Variants in PDGFD observed in about 807,000 individuals in gnomAD.
PDGFD encodes the protein platelet derived growth factor D, also known as platelet-derived growth factor D.
In PDGFD, 30 loss-of-function variants were observed where a neutral mutation model predicts 44.7. The observed-to-expected ratio is 0.67, with a 90% CI of 0.50 to 0.91. The LOEUF is 0.91. Among genes scored for constraint, PDGFD ranks in the 40% least tolerant of loss-of-function variants. The probability of loss-of-function intolerance (pLI) is 0.00; values close to 1 mark genes in which losing one functional copy is unlikely to be tolerated. For missense variants in PDGFD, 445 were observed against 457.8 expected (o/e 0.97, Z 0.25); for synonymous variants, 173 against 168.4 (o/e 1.03, Z -0.21).
intron 3 of PDGFD, among the ~76,000 whole-genome samples, chr11:103,950,059 G>A (rs563320206): frequency 1.5e-4 from 23 of 152,132 alleles, no homozygotes; most frequent in Non-Finnish European, 2.6e-4. Context: ...TTTGCTACAT[G>A]AGAATGGACC....
At chr11:104,025,314 T>G (rs2134385225) in intron 1 of PDGFD, among the ~76,000 whole-genome samples, 1 of 152,320 alleles carries the variant, frequency 6.6e-6, no homozygotes, top group Non-Finnish European at 1.5e-5. Flanking sequence ...CATCAAGATT[T>G]TGACCAGATG....
chr11:104,162,988 G>C (rs1205409005), intron 1 of PDGFD, among the ~76,000 whole-genome samples: 1 of 152,158 alleles, frequency 6.6e-6, no homozygotes, highest in Middle Eastern at 3.2e-3. Flanking sequence ...AATAAACTCA[G>C]CTTAGGGTCT....
At chr11:104,128,663 G>T (rs1038637581) in intron 1 of PDGFD, among the ~76,000 whole-genome samples, 1 of 152,146 alleles carries the variant, frequency 6.6e-6, no homozygotes, top group African/African-American at 2.4e-5. Context: ...GAAAACTCTG[G>T]TTTGGAATTC....
At chr11:103,961,393 T>A (rs975488861) in intron 3 of PDGFD, among the ~76,000 whole-genome samples, 7 of 152,146 alleles carry the variant, frequency 4.6e-5, no homozygotes, top group East Asian at 1.9e-4. Flanking sequence ...AAAGAATGAT[T>A]TAAGTACATT....
intron 1 of PDGFD, among the ~76,000 whole-genome samples, chr11:104,144,502 G>T (rs866683649): frequency 1.9e-5 from 1 of 53,120 alleles, no homozygotes; most frequent in Non-Finnish European, 3.0e-5. Context: ...GCAAAACTCC[G>T]TCACCAAAAA....
chr11:104,040,595 T>A (rs546345426), intron 1 of PDGFD, among the ~76,000 whole-genome samples: 1 of 152,176 alleles, frequency 6.6e-6, no homozygotes, highest in African/African-American at 2.4e-5. Context: ...ACTTTGCATA[T>A]TACTGCCCTT....
chr11:104,061,888 T>C (rs1860722813), intron 1 of PDGFD, among the ~76,000 whole-genome samples: 1 of 152,122 alleles, frequency 6.6e-6, no homozygotes, highest in Admixed American at 6.5e-5. Context: ...GATTACAGGC[T>C]TGAGCCACCA....
intron 3 of PDGFD, among the ~76,000 whole-genome samples, chr11:103,952,329 T>G (rs1205031040): frequency 6.6e-6 from 1 of 152,220 alleles, no homozygotes; most frequent in Non-Finnish European, 1.5e-5. Flanking sequence ...CTTACATAAG[T>G]GCTTTTCAAG....
At chr11:104,027,811 G>A (rs1293467854) in intron 1 of PDGFD, among the ~76,000 whole-genome samples, 1 of 152,058 alleles carries the variant, frequency 6.6e-6, no homozygotes, top group Non-Finnish European at 1.5e-5. Context: ...ACTCTTTTTG[G>A]TCACAAGGGC....
intron 1 of PDGFD, chr11:104,037,221 G>A (rs1471290917): frequency 6.2e-7 from 1 of 1,613,722 alleles, no homozygotes; most frequent in Non-Finnish European, 8.5e-7. Flanking sequence ...CAGGAGAGAA[G>A]GTGGCCGGCC....
chr11:104,013,921 G>T (rs552726547), intron 1 of PDGFD, among the ~76,000 whole-genome samples: 137 of 152,072 alleles, frequency 9.0e-4, no homozygotes, highest in Middle Eastern at 3.4e-3. Context: ...ATACATTTGA[G>T]TAAGTGGTCT....
At chr11:103,916,129 A>C (rs1213069182) in intron 6 of PDGFD, among the ~76,000 whole-genome samples, 11 of 152,118 alleles carry the variant, frequency 7.2e-5, no homozygotes, top group Admixed American at 7.2e-4. Context: ...CACAGCAAAA[A>C]AAAACTGTCA....
intron 1 of PDGFD, among the ~76,000 whole-genome samples, chr11:104,063,667 A>C (rs1223379242): frequency 6.6e-6 from 1 of 152,150 alleles, no homozygotes; most frequent in Non-Finnish European, 1.5e-5. Context: ...TCATGACAGA[A>C]GGTAAAGGGG....
At chr11:104,156,695 A>C (rs2119923036) in intron 1 of PDGFD, among the ~76,000 whole-genome samples, 1 of 152,338 alleles carries the variant, frequency 6.6e-6, no homozygotes, top group Non-Finnish European at 1.5e-5. Flanking sequence ...TCAGCATACC[A>C]GAGGGAAGAT....
rs1859601455 is a variant in PDGFD at position 104,000,310 on chromosome 11, T to TA, written c.125-56_125-55insT. On this transcript the variant is annotated intron_variant, in intron 1 of 6. Coordinates refer to ENST00000393158, the MANE Select transcript of PDGFD (RefSeq NM_025208.5). ...GTATGTTGCTCCAATTACAGGAAAG[T>TA]CAAAAAAAGAGAACAGTTTACAACA... 1.5e-5 allele frequency: 22 copies of TA among 1,446,736 alleles called. No homozygotes were observed. In the East Asian group the frequency reaches 1.8e-4, roughly 12 times the overall value. 89.6% of individuals were successfully genotyped at this position (1,446,736 alleles called of 1,614,324 possible). A position where few individuals can be genotyped will look rare whatever the true frequency, so the allele number is the denominator to read the frequency against.
rs186274974 is a variant in PDGFD at position 104,088,908 on chromosome 11, C to T, written c.124+74896G>A. Among the ~76,000 whole-genome samples, 163 of 121,846 alleles carry T rather than the reference C, an allele frequency of 1.3e-3. 2 individuals are homozygous for T. The highest frequency in any genetic ancestry group is 6.3e-4 in the Non-Finnish European group (37 of 59,000). The allele number at this position is 121,846 out of a possible 152,430, so 79.9% of individuals were successfully genotyped here. A position where few individuals can be genotyped will look rare whatever the true frequency, so the allele number is the denominator to read the frequency against. On this transcript the variant is annotated intron_variant, in intron 1 of 6. Coordinates refer to ENST00000393158, the MANE Select transcript of PDGFD (RefSeq NM_025208.5). ...ATTAGCTCCTCCACATAAGCATGAACAACAAAGTGGGATGGGGGAAAAAAA... is the reference window on the plus strand; with the variant it reads ...ATTAGCTCCTCCACATAAGCATGAATAACAAAGTGGGATGGGGGAAAAAAA...
rs1435068308 is a variant in PDGFD, at chr11:104,028,083, T to TG, written c.125-27829dup. Among the ~76,000 whole-genome samples the TG allele has an allele frequency of 2.0e-5, 3 of 150,722 alleles. No individual in the cohort carries two copies. In the Admixed American group the frequency reaches 2.0e-4, roughly 10 times the overall value. On this transcript the variant is annotated intron_variant, in intron 1 of 6. Coordinates refer to ENST00000393158, the MANE Select transcript of PDGFD (RefSeq NM_025208.5). ...CAGGCGCCTGTAGTCCCAGCTACTCTGGAGACTGAGGCAGGAGAATGGCGT... is the reference window on the plus strand; with the variant it reads ...CAGGCGCCTGTAGTCCCAGCTACTCTGGGAGACTGAGGCAGGAGAATGGCGT...
chr11:104,025,021 T>C (rs558257553), intron 1 of PDGFD, among the ~76,000 whole-genome samples: 1 of 152,232 alleles, frequency 6.6e-6, no homozygotes, highest in Non-Finnish European at 1.5e-5. Context: ...AACATTGAGA[T>C]CCTTCTCTTA....
At chr11:104,028,779 TAA>T (rs35709220) in intron 1 of PDGFD, among the ~76,000 whole-genome samples, 2 of 147,654 alleles carry the variant, frequency 1.4e-5, no homozygotes, top group African/African-American at 2.5e-5. Context: ...TGTTTTGAAG[TAA>T]AAAAAAAATG....
Sources: allele counts gnomAD v4.1 joint callset (sites outside exome capture counted in the v4.1 genomes callset), GRCh38; gene constraint gnomAD v4.1.1; transcripts MANE v1.5; gene names NCBI Gene and HGNC (gene_info 2026-07-23, HGNC 2026-07-21).